The following FNDC1 variants were observed in gnomAD, a reference collection of about 807,000 sequenced individuals.
FNDC1 encodes the protein fibronectin type III domain containing 1, also known as fibronectin type III domain-containing protein 1.
FNDC1 carries 96 observed loss-of-function variants against 168.0 expected under a neutral mutation model. The ratio of observed to expected loss-of-function variants is 0.57; its 90% CI spans 0.48 to 0.68. The LOEUF (loss-of-function observed/expected upper bound fraction) is 0.68, where lower values mean the gene tolerates loss of function less well. FNDC1 is among the 30% of genes least tolerant of loss of function. The probability of loss-of-function intolerance (pLI) is 0.00; values close to 1 mark genes in which losing one functional copy is unlikely to be tolerated. For missense variants in FNDC1, 2,587 were observed against 2,482.1 expected (o/e 1.04, Z -0.90); for synonymous variants, 1,099 against 1,025.9 (o/e 1.07, Z -1.36).
At chr6:159,171,238 G>A (rs1448916655) in intron 1 of FNDC1, among the ~76,000 whole-genome samples, 1 of 152,156 alleles carries the variant, frequency 6.6e-6, no homozygotes, top group African/African-American at 2.4e-5. Context: ...CTGTGTTGAC[G>A]TGGGATCTAC....
chr6:159,263,763 A>G (rs1777539403), intron 19 of FNDC1, among the ~76,000 whole-genome samples: 1 of 152,148 alleles, frequency 6.6e-6, no homozygotes, highest in Non-Finnish European at 1.5e-5. Context: ...CTCCATCTAA[A>G]AATAAAATAA....
intron 22 of FNDC1, 40 bp downstream of exon 22, chr6:159,267,966 G>T: frequency 6.3e-7 from 1 of 1,583,988 alleles, no homozygotes. Context: ...CCTAGGAGGT[G>T]GGAGACAAGG....
rs1394627259 is a variant in FNDC1 at position 159,231,353 on chromosome 6, G to A, written c.1370-529G>A. ...TTGCGCCACTGCAGTCCGCAGTCCG[G>A]CCTGGGCGACAGAGCGAGACTCCGT... On this transcript the variant is annotated intron_variant, in intron 10 of 22. Transcript: ENST00000297267. Among the ~76,000 whole-genome samples the A allele has an allele frequency of 2.7e-5, 4 of 146,298 alleles. 1 individual carries two copies. The highest frequency in any genetic ancestry group is 9.9e-5 in the African/African-American group (4 of 40,534).
chr6:159,250,587 G>T (rs1252446154), intron 16 of FNDC1, among the ~76,000 whole-genome samples: 8 of 152,302 alleles, frequency 5.3e-5, no homozygotes, highest in African/African-American at 1.9e-4. Context: ...CCTGCTATCT[G>T]ATCCTTGCAT....
At chr6:159,220,904 C>G (rs1782809729) in intron 5 of FNDC1, among the ~76,000 whole-genome samples, 1 of 152,206 alleles carries the variant, frequency 6.6e-6, no homozygotes, top group South Asian at 2.1e-4. Context: ...CTGCACAGTT[C>G]AAACCTGTGT....
chr6:159,213,871 G>A (rs757937916), intron 4 of FNDC1, among the ~76,000 whole-genome samples: 10 of 152,160 alleles, frequency 6.6e-5, no homozygotes, highest in East Asian at 5.8e-4. Flanking sequence ...GATTCAGGAC[G>A]TTGGAACCAG....
chr6:159,261,637 T>G (rs1777487167), intron 19 of FNDC1, among the ~76,000 whole-genome samples: 1 of 152,256 alleles, frequency 6.6e-6, no homozygotes, highest in South Asian at 2.1e-4. Context: ...GACAGGAAGT[T>G]GCCTTTCCAA....
At chr6:159,242,724 C>G (rs904492369) in intron 14 of FNDC1, among the ~76,000 whole-genome samples, 1 of 152,160 alleles carries the variant, frequency 6.6e-6, no homozygotes, top group Non-Finnish European at 1.5e-5. Context: ...CCATGGAAAC[C>G]ACTAACATAC....
At chr6:159,230,372 T>C (rs984167540) in intron 10 of FNDC1, among the ~76,000 whole-genome samples, 3 of 152,146 alleles carry the variant, frequency 2.0e-5, no homozygotes, top group Non-Finnish European at 4.4e-5. Flanking sequence ...TAAAAATGTT[T>C]AGTTTGCAAA....
intron 4 of FNDC1, among the ~76,000 whole-genome samples, chr6:159,214,611 A>G (rs1782672307): frequency 6.6e-6 from 1 of 152,214 alleles, no homozygotes; most frequent in African/African-American, 2.4e-5. Flanking sequence ...CTCTTTCCTG[A>G]GAATATATAG....
rs755238723 is a variant in FNDC1, at chr6:159,233,031, G to T, written c.2519G>T (p.Gly840Val). ...RSPSRFSIGR[G>V]PRLQPSSSPQ... ...CCAAGCAGGTTCAGCATTGGGCGGG[G>T]ACCTCGGCTGCAGCCCTCCAGCTCC... is the stretch of plus-strand genomic sequence containing the variant. The change falls in exon 11 of 23, where the codon GGA (glycine) becomes GTA (valine). Residue 840 changes from glycine to valine, a missense_variant. Gly to Val is a moderately radical substitution (Grantham distance 109, BLOSUM62 -3). Transcript: ENST00000297267. This position sits in a 1 kb window ranked among gnomAD's most constrained non-coding sequence, Gnocchi z 4.6. 1 of 1,611,898 alleles carries T rather than the reference G, an allele frequency of 6.2e-7. No individual in the cohort carries two copies. The highest frequency in any genetic ancestry group is 1.7e-5 in the Admixed American group (1 of 59,838).
intron 19 of FNDC1, among the ~76,000 whole-genome samples, chr6:159,262,289 C>CT (rs1777502774): frequency 6.6e-6 from 1 of 152,006 alleles, no homozygotes; most frequent in Non-Finnish European, 1.5e-5. Context: ...CAGTCTGAGC[C>CT]CAGAAAATGG....
intron 1 of FNDC1, among the ~76,000 whole-genome samples, chr6:159,176,336 G>A (rs1388884307): frequency 6.6e-6 from 1 of 152,200 alleles, no homozygotes. Context: ...AAAGTCAGAT[G>A]AACATAGTGC....
intron 18 of FNDC1, among the ~76,000 whole-genome samples, chr6:159,256,872 C>T (rs1777386075): frequency 6.6e-6 from 1 of 152,210 alleles, no homozygotes. Context: ...TTTACCTAAA[C>T]ACTACCTGCC....
intron 21 of FNDC1, 135 bp from the exon 22 acceptor site, chr6:159,267,669 A>G: frequency 8.1e-6 from 7 of 866,186 alleles, no homozygotes; most frequent in Non-Finnish European, 1.2e-5. Flanking sequence ...CCATTTTCAG[A>G]CATGAAAAAT....
chr6:159,232,807 C>T lies in FNDC1; in HGVS notation c.2295C>T (p.Ser765=), dbSNP rs760746455. Residue 765 remains serine (S), a synonymous_variant, in exon 11 of 23, where the codon TCC becomes TCT. Coordinates refer to ENST00000297267, the MANE Select transcript of FNDC1 (RefSeq NM_032532.3). The surrounding 1 kb of genome is among the most constrained non-coding windows in gnomAD (Gnocchi z 4.9). ...CGCCATCACGGTCCACCATGTCCTC[C>T]TCCGTCTCTTCTCATCTCTCGTCCA... The part of the protein sequence containing the change: ...SNAPSRSTMS[S]SVSSHLSSRT... The T allele has an allele frequency of 7.4e-6, 12 of 1,614,002 alleles. No individual in the cohort carries two copies. Among genetic ancestry groups the T allele is most frequent in the Non-Finnish European group, 1.0e-5 (12 of 1,179,908 alleles).
At chr6:159,210,026 A>C (rs1782565500) in intron 4 of FNDC1, among the ~76,000 whole-genome samples, 1 of 152,220 alleles carries the variant, frequency 6.6e-6, no homozygotes. Flanking sequence ...CACTGAGCAG[A>C]TCTTGATGGG....
chr6:159,234,390 C>A lies in FNDC1; in HGVS notation c.3878C>A (p.Thr1293Asn), dbSNP rs1185850425. 2.0e-5 allele frequency: 33 copies of A among 1,613,372 alleles called. No individual in the cohort carries two copies. The highest frequency in any genetic ancestry group is 2.6e-5 in the Non-Finnish European group (31 of 1,179,756). ...TRAPPGHFSTTPMLSLRQRMM... is the reference protein window; with the variant it reads ...TRAPPGHFSTNPMLSLRQRMM... ...GCCCCACCTGGCCACTTCTCCACCA[C>A]CCCGATGCTGTCCTTGCGCCAGAGG... The change falls in exon 11 of 23, where the codon ACC becomes AAC. Residue 1293 changes from threonine (T) to asparagine (N), a missense_variant. Physicochemically the swap from Thr to Asn is moderately conservative, Grantham distance 65. Coordinates refer to ENST00000297267, the MANE Select transcript of FNDC1 (RefSeq NM_032532.3).
rs1777377602 is a variant in FNDC1, at chr6:159,256,537, AG to A, written c.5081del (p.Ser1694MetfsTer19). ...GDVVTGYLVY[S>X]ASYEDFIRNK... Reference sequence around the variant, plus strand: ...TCCATTTTCAGGTTACTTGGTTTACAGTGCATCCTATGAAGACTTCATCAGG... The same window carrying A: ...TCCATTTTCAGGTTACTTGGTTTACATGCATCCTATGAAGACTTCATCAGG... On this transcript the variant is annotated frameshift_variant, in exon 18 of 23. Transcript: ENST00000297267. LOFTEE classifies it high-confidence loss of function. 1.2e-6 allele frequency: 2 copies of A among 1,613,228 alleles called. No individual in the cohort carries two copies. The highest frequency in any genetic ancestry group is 4.5e-5 in the East Asian group (2 of 44,872).
Sources: allele counts gnomAD v4.1 joint callset (sites outside exome capture counted in the v4.1 genomes callset), GRCh38; gene constraint gnomAD v4.1.1; non-coding constraint Gnocchi (gnomAD v3.1); transcripts MANE v1.5; gene names NCBI Gene and HGNC (gene_info 2026-07-23, HGNC 2026-07-21).